The following MYLK variants were observed in gnomAD, a reference collection of about 807,000 sequenced individuals.
The protein encoded by MYLK is myosin light chain kinase, also known as myosin light chain kinase, smooth muscle.
A neutral mutation model predicts 203.4 loss-of-function variants in MYLK; 106 were observed. That is an observed-to-expected ratio of 0.52 (90% confidence interval 0.45 to 0.61). The LOEUF (loss-of-function observed/expected upper bound fraction) is 0.61. MYLK is among the 20% of genes least tolerant of loss of function. MYLK has a pLI of 0.00. For synonymous variants in MYLK, 867 were observed against 959.5 expected, an observed-to-expected ratio of 0.90 and a Z score of 1.78; for missense variants, 2,072 against 2,442.3, an observed-to-expected ratio of 0.85 and a Z score of 3.20.
chr3:123,645,627 T>G (rs1275323684), intron 27 of MYLK, among the ~76,000 whole-genome samples: 1 of 152,224 alleles, frequency 6.6e-6, no homozygotes, highest in Non-Finnish European at 1.5e-5. Flanking sequence ...TTCTGGGAGT[T>G]TATCCTATAG....
intron 4 of MYLK, among the ~76,000 whole-genome samples, chr3:123,786,206 G>A (rs915883670): frequency 3.3e-5 from 5 of 151,962 alleles, no homozygotes; most frequent in South Asian, 2.1e-4. Context: ...AGGAGGCTGA[G>A]GCAGGAGTGT....
At chr3:123,739,926 ACT>A (rs1248494995) in intron 6 of MYLK, 25 bp downstream of exon 6, 2 of 1,613,186 alleles carry the variant, frequency 1.2e-6, no homozygotes, top group African/African-American at 2.7e-5. Flanking sequence ...TCCAACCCTT[ACT>A]CTGTCTTGAA....
intron 4 of MYLK, among the ~76,000 whole-genome samples, chr3:123,763,406 T>C: frequency 6.6e-6 from 1 of 152,214 alleles, no homozygotes; most frequent in East Asian, 1.9e-4. Flanking sequence ...AAATTTCTCA[T>C]TCTATGCCAC....
At chr3:123,647,990 T>G (rs2059081387) in intron 26 of MYLK, among the ~76,000 whole-genome samples, 2 of 152,156 alleles carry the variant, frequency 1.3e-5, no homozygotes, top group African/African-American at 2.4e-5. Flanking sequence ...GCAGTTGCCT[T>G]CCTTCCTTCC....
chr3:123,677,800 C>T (rs1455371681), intron 20 of MYLK, among the ~76,000 whole-genome samples: 3 of 148,734 alleles, frequency 2.0e-5, no homozygotes, highest in Non-Finnish European at 4.4e-5. Flanking sequence ...AGGACAACAG[C>T]ATAGTTAGAA....
chr3:123,635,825 T>C (rs889850093), intron 29 of MYLK, among the ~76,000 whole-genome samples: 1 of 152,176 alleles, frequency 6.6e-6, no homozygotes, highest in African/African-American at 2.4e-5. Flanking sequence ...ATGGCCAAAC[T>C]GGAACCCACT....
In MYLK at chr3:123,700,879, C is replaced by T. The variant is rs536506601; in HGVS notation, c.2589G>A (p.Glu863=). The T allele has an allele frequency of 1.1e-4, 174 of 1,613,288 alleles. No individual in the cohort carries two copies. The highest frequency in any genetic ancestry group is 3.3e-4 in the Middle Eastern group (2 of 6,062). The change falls in exon 18 of 34, where the codon GAG becomes GAA. Residue 863 remains glutamate, a synonymous_variant. Transcript: ENST00000360304. ...CCCCTCGCACGTCCTCGCCGTCTTC[C>T]TCCTCTAGCCAACCCTGCCCTCTTG... ...WPARGQGWLE[E]EDGEDVRGVL... is the part of the protein sequence containing the mutation.
chr3:123,793,157 G>A (rs998981359), intron 4 of MYLK, among the ~76,000 whole-genome samples: 5 of 152,154 alleles, frequency 3.3e-5, no homozygotes, highest in Non-Finnish European at 5.9e-5. Context: ...AAGAAGTGGA[G>A]TCCCAGTAAC....
intron 18 of MYLK, 77 bp downstream of exon 18, chr3:123,699,943 G>T: frequency 6.2e-7 from 1 of 1,600,600 alleles, no homozygotes; most frequent in Non-Finnish European, 8.6e-7. Flanking sequence ...ACAGGGGTCA[G>T]CGAGACCAAC....
At chr3:123,621,797 G>A (rs932844947) in intron 31 of MYLK, 2 of 152,344 alleles carry the variant, frequency 1.3e-5, no homozygotes, top group African/African-American at 2.4e-5. Flanking sequence ...GTGTGGGTAT[G>A]TTTCTGGCCT....
intron 2 of MYLK, among the ~76,000 whole-genome samples, chr3:123,857,113 G>C (rs2148679157): frequency 6.6e-6 from 1 of 152,108 alleles, no homozygotes; most frequent in South Asian, 2.1e-4. Context: ...TCTCACACCA[G>C]TTAGAATGGC....
At chr3:123,748,709 A>G (rs959319329) in intron 5 of MYLK, among the ~76,000 whole-genome samples, 1 of 152,252 alleles carries the variant, frequency 6.6e-6, no homozygotes, top group African/African-American at 2.4e-5. Flanking sequence ...ATATCTTAAA[A>G]TGTGGCTACT....
At chr3:123,746,917 T>C (rs1251720931) in intron 5 of MYLK, among the ~76,000 whole-genome samples, 1 of 152,082 alleles carries the variant, frequency 6.6e-6, no homozygotes, top group Non-Finnish European at 1.5e-5. Context: ...GTCCTTCAGA[T>C]GGGTAGAAAA....
At chr3:123,819,239 C>G (rs982094490) in intron 3 of MYLK, among the ~76,000 whole-genome samples, 10 of 152,184 alleles carry the variant, frequency 6.6e-5, no homozygotes, top group African/African-American at 2.4e-4. Flanking sequence ...GCATAGCAAA[C>G]AGCCTTCAAA....
intron 2 of MYLK, among the ~76,000 whole-genome samples, chr3:123,836,185 T>G (rs1271878288): frequency 6.6e-6 from 1 of 152,188 alleles, no homozygotes; most frequent in Non-Finnish European, 1.5e-5. Context: ...CTTTTGTCAT[T>G]TGATGTTTAG....
At chr3:123,821,691 A>G (rs1214251179) in intron 3 of MYLK, among the ~76,000 whole-genome samples, 1 of 152,142 alleles carries the variant, frequency 6.6e-6, no homozygotes, top group African/African-American at 2.4e-5. Context: ...CCCAACCAGA[A>G]ATTACTCTTA....
At chr3:123,724,139 C>CTTTTTTTTTTTTTTTTTTTTTTTTTTTTT in intron 12 of MYLK, among the ~76,000 whole-genome samples, 1 of 80,850 alleles carries the variant, frequency 1.2e-5, no homozygotes, top group Non-Finnish European at 2.1e-5. Flanking sequence ...CTAAGTTTTG[C>CTTTTTTTTTTTTTTTTTTTTTTTTTTTTT]TTTTTTTTTT....
intron 3 of MYLK, among the ~76,000 whole-genome samples, chr3:123,806,287 G>C (rs1183685047): frequency 1.3e-5 from 2 of 152,166 alleles, no homozygotes. Flanking sequence ...GAGGAAACTA[G>C]GGTCCAGAGT....
At chr3:123,673,125 T>A (rs2059965731) in intron 20 of MYLK, among the ~76,000 whole-genome samples, 1 of 151,940 alleles carries the variant, frequency 6.6e-6, no homozygotes, top group South Asian at 2.1e-4. Context: ...GTAAGGGAAG[T>A]ATAGCATATA....
Sources: gnomAD v4.1 joint callset for allele counts (sites outside exome capture counted in the v4.1 genomes callset) on GRCh38, gnomAD v4.1.1 for gene constraint, MANE v1.5 for transcripts, NCBI Gene and HGNC (gene_info 2026-07-23, HGNC 2026-07-21) for gene names.